Variants in CPT1A observed in about 807,000 individuals in gnomAD.
CPT1A encodes the protein carnitine palmitoyltransferase 1A.
In CPT1A, 64 loss-of-function variants were observed where a neutral mutation model predicts 100.8. The ratio of observed to expected loss-of-function variants is 0.63; its 90% CI spans 0.52 to 0.78. CPT1A has a LOEUF of 0.78. Ranked by LOEUF, CPT1A falls within the 30% of genes least tolerant of loss-of-function variation. CPT1A has a pLI of 0.00. For missense variants in CPT1A, 802 were observed against 1,034.1 expected (o/e 0.78, Z 3.08); for synonymous variants, 363 against 396.0 (o/e 0.92, Z 0.99).
intron 13 of CPT1A, chr11:68,773,670 C>A: frequency 3.8e-6 from 2 of 522,808 alleles, no homozygotes; most frequent in Non-Finnish European, 6.8e-6. Context: ...GAGAGGGCTT[C>A]CTCCGACACA....
upstream of CPT1A, among the ~76,000 whole-genome samples, chr11:68,843,570 C>G (rs1334863686): frequency 1.3e-5 from 2 of 151,960 alleles, no homozygotes; most frequent in African/African-American, 2.4e-5. The surrounding 1 kb of genome is among the most constrained non-coding windows in gnomAD (Gnocchi z 4.0). Flanking sequence ...GCCCTGTCTC[C>G]GATTATGGAT....
At chr11:68,798,739 C>G (rs934306682) in intron 6 of CPT1A, among the ~76,000 whole-genome samples, 4 of 152,198 alleles carry the variant, frequency 2.6e-5, no homozygotes, top group African/African-American at 9.6e-5. Context: ...GGGAGCAGGT[C>G]TCTGGGGCAG....
chr11:68,837,444 G>C (rs899960472), intron 1 of CPT1A, among the ~76,000 whole-genome samples: 1 of 152,198 alleles, frequency 6.6e-6, no homozygotes, highest in African/African-American at 2.4e-5. Flanking sequence ...AGTGAGCCAG[G>C]GCTGGTGGGC....
chr11:68,755,842 G>C lies in CPT1A; in HGVS notation c.*1802C>G, dbSNP rs1455696289. On this transcript the variant is annotated 3_prime_UTR_variant, in exon 19 of 19. Transcript: ENST00000265641. ...TAAAACATGCATGTGGGCCGCGCAT[G>C]GTGGCTCATGCCTGTAATCCCAGCA... The C allele has an allele frequency of 1.3e-5, 2 of 150,502 alleles. No individual in the cohort carries two copies. Among genetic ancestry groups the C allele is most frequent in the Admixed American group, 6.6e-5 (1 of 15,092 alleles). The allele number at this position is 150,502 out of a possible 1,614,324, so 9.3% of individuals were successfully genotyped here. A position where few individuals can be genotyped will look rare whatever the true frequency, so the allele number is the denominator to read the frequency against.
In CPT1A at chr11:68,793,229, A is replaced by G. The variant is rs944488302; in HGVS notation, c.967+86T>C. 38 of 946,294 alleles carry G rather than the reference A, an allele frequency of 4.0e-5. No individual in the cohort carries two copies. The East Asian group carries it at 8.2e-4, about 20-fold the overall frequency. The allele number at this position is 946,294 out of a possible 1,614,324, so 58.6% of individuals were successfully genotyped here. On this transcript the variant is annotated intron_variant, in intron 9 of 18. Transcript: ENST00000265641. Reference sequence around the variant, plus strand: ...TCTCAGGAAGGGTCAGCAAAAATCAATTTGGCCCCTTTGACACTTCCTAAT... The same window carrying G: ...TCTCAGGAAGGGTCAGCAAAAATCAGTTTGGCCCCTTTGACACTTCCTAAT...
chr11:68,825,154 G>A (rs964768605), intron 1 of CPT1A, among the ~76,000 whole-genome samples: 7 of 152,120 alleles, frequency 4.6e-5, no homozygotes, highest in South Asian at 2.1e-4. Flanking sequence ...ATGGAGGGAC[G>A]GGTAGGAAGG....
At position 68,775,378 on chromosome 11, in the gene CPT1A, T is replaced by C. The variant is rs1855116018; in HGVS notation, c.1513A>G (p.Lys505Glu). 1 of 1,614,142 alleles carries C rather than the reference T, an allele frequency of 6.2e-7. No homozygotes were observed. The highest frequency in any genetic ancestry group is 1.3e-5 in the African/African-American group (1 of 74,942). ...GGAATGTTCGGATTGATGTCGCCTT[T>C]GCAGTGCCCATCCTCCGCATAGCCC... Reference protein sequence around the residue: ...QLGYAEDGHCKGDINPNIPYP... With the variant: ...QLGYAEDGHCEGDINPNIPYP... Residue 505 changes from lysine to glutamate, a missense_variant, in exon 13 of 19, where the codon AAA becomes GAA. Lys to Glu is a moderately conservative substitution (Grantham distance 56). Transcript: ENST00000265641.
intron 1 of CPT1A, among the ~76,000 whole-genome samples, chr11:68,829,071 C>G (rs918259556): frequency 6.6e-6 from 1 of 152,166 alleles, no homozygotes; most frequent in Non-Finnish European, 1.5e-5. Flanking sequence ...CACCTGTCCA[C>G]GTGCCCGCAT....
At position 68,841,678 on chromosome 11, in the gene CPT1A, T is replaced by C. The variant is rs1857162859; in HGVS notation, c.-14+97A>G. The C allele has an allele frequency of 4.6e-6, 3 of 647,228 alleles. No homozygotes were observed. Among genetic ancestry groups the C allele is most frequent in the African/African-American group, 4.0e-5 (2 of 50,454 alleles). 40.1% of individuals were successfully genotyped at this position (647,228 alleles called of 1,614,324 possible). A position where few individuals can be genotyped will look rare whatever the true frequency, so the allele number is the denominator to read the frequency against. ...GGTTCCGGCGGCGTCCCCCACCCGG[T>C]CCGGTTCCCGGCAGCCCCGCGCCCC... On this transcript the variant is annotated intron_variant, in intron 1 of 18. Coordinates refer to ENST00000265641, the MANE Select transcript of CPT1A (RefSeq NM_001876.4). This position sits in a 1 kb window ranked among gnomAD's most constrained non-coding sequence, Gnocchi z 6.3.
intron 1 of CPT1A, among the ~76,000 whole-genome samples, chr11:68,823,311 T>C (rs1159227183): frequency 6.6e-6 from 1 of 152,066 alleles, no homozygotes; most frequent in Non-Finnish European, 1.5e-5. Context: ...GGTATATGAA[T>C]CTCTCAATAA....
In CPT1A at chr11:68,756,065, T is replaced by C. The variant is rs993265268; in HGVS notation, c.*1579A>G. The C allele has an allele frequency of 1.4e-5, 2 of 145,228 alleles. No homozygotes were observed. The highest frequency in any genetic ancestry group is 2.6e-5 in the African/African-American group (1 of 38,458). The allele number at this position is 145,228 out of a possible 1,614,324, so 9.0% of individuals were successfully genotyped here. On this transcript the variant is annotated 3_prime_UTR_variant, in exon 19 of 19. Transcript: ENST00000265641. Reference sequence around the variant, plus strand: ...AGGCAGATGCTGCAGTGAGCCGAGATTGCACCACTGCACTCCAGCCTGGGC... The same window carrying C: ...AGGCAGATGCTGCAGTGAGCCGAGACTGCACCACTGCACTCCAGCCTGGGC...
chr11:68,803,437 G>A (rs1049469978), intron 5 of CPT1A, among the ~76,000 whole-genome samples: 2 of 152,166 alleles, frequency 1.3e-5, no homozygotes, highest in Non-Finnish European at 2.9e-5. Flanking sequence ...CTGGCCTGGT[G>A]CAGTGGCTCA....
chr11:68,811,674 A>G (rs1392111747), intron 3 of CPT1A, among the ~76,000 whole-genome samples: 1 of 152,100 alleles, frequency 6.6e-6, no homozygotes, highest in Non-Finnish European at 1.5e-5. Flanking sequence ...ACCTGTCTGA[A>G]TGCTTTCTCA....
intron 10 of CPT1A, among the ~76,000 whole-genome samples, chr11:68,782,225 G>T (rs1855332868): frequency 1.3e-5 from 2 of 152,190 alleles, no homozygotes; most frequent in South Asian, 4.1e-4. Context: ...TGGCCCCGTG[G>T]GCAAAGCCGC....
At chr11:68,769,226 C>G (rs1422905670) in intron 14 of CPT1A, among the ~76,000 whole-genome samples, 3 of 152,054 alleles carry the variant, frequency 2.0e-5, no homozygotes, top group African/African-American at 7.2e-5. Context: ...AGGACTGCAG[C>G]ATTTTATTTT....
chr11:68,842,562 C>G (rs541948470), upstream of CPT1A, among the ~76,000 whole-genome samples: 1 of 152,324 alleles, frequency 6.6e-6, no homozygotes, highest in East Asian at 1.9e-4. Context: ...GGCAGCGTGG[C>G]TCCTCCTCAT....
chr11:68,803,968 G>A (rs367866734), intron 5 of CPT1A, 32 bp downstream of exon 5: 216 of 1,510,866 alleles, frequency 1.4e-4, no homozygotes, highest in Non-Finnish European at 1.9e-4. Context: ...CAGATGGCTG[G>A]CATTTCAGTG....
At chr11:68,839,315 G>C (rs1566395532) in intron 1 of CPT1A, among the ~76,000 whole-genome samples, 1 of 152,216 alleles carries the variant, frequency 6.6e-6, no homozygotes, top group Non-Finnish European at 1.5e-5. Context: ...AAGCGTCCTC[G>C]GAAGGGCACC....
At position 68,830,354 on chromosome 11, in the gene CPT1A, G is replaced by A. The variant is rs1349758148; in HGVS notation, c.-14+11421C>T. Among the ~76,000 whole-genome samples the A allele has an allele frequency of 2.0e-5, 3 of 152,268 alleles. No homozygotes were observed. The South Asian group carries it at 6.2e-4, about 32-fold the overall frequency. On this transcript the variant is annotated intron_variant, in intron 1 of 18. Transcript: ENST00000265641. ...CGCCCACCTGGAGCCCACCTGCTGG[G>A]AGCTCACACAGACCTCCTTGCCCGG... is the stretch of plus-strand genomic sequence containing the variant.
Sources: gnomAD v4.1 joint callset for allele counts (sites outside exome capture counted in the v4.1 genomes callset) on GRCh38, gnomAD v4.1.1 for gene constraint, Gnocchi (gnomAD v3.1) non-coding constraint, MANE v1.5 for transcripts, NCBI Gene and HGNC (gene_info 2026-07-23, HGNC 2026-07-21) for gene names.